The following ZNF318 variants were observed in gnomAD, a reference collection of about 807,000 sequenced individuals.
The protein encoded by ZNF318 is endocrine regulator.
ZNF318 carries 51 observed loss-of-function variants against 124.2 expected under a neutral mutation model. The observed-to-expected ratio is 0.41, with a 90% CI of 0.33 to 0.52. ZNF318 has a LOEUF of 0.52. Ranked by LOEUF, ZNF318 falls within the 20% of genes least tolerant of loss-of-function variation. The pLI is 0.23. For missense variants in ZNF318, 2,815 were observed against 2,811.2 expected (o/e 1.00, Z -0.03); for synonymous variants, 1,090 against 1,040.7 (o/e 1.05, Z -0.91).
Position 43,339,045 on chromosome 6 carries a change from C to T in ZNF318, c.4953G>A (p.Val1651=). Reference sequence around the variant, plus strand: ...CTACAACTGACCATTTCCCTAGGGCCACCAGAGTTTTTGCAATGGGCTTTT... The same window carrying T: ...CTACAACTGACCATTTCCCTAGGGCTACCAGAGTTTTTGCAATGGGCTTTT... ...NSEKPIAKTL[V]ALGKWSVVEH... The change falls in exon 10 of 10, where the codon GTG becomes GTA. Residue 1651 remains valine (V), a synonymous_variant. Transcript: ENST00000361428. This position sits in a 1 kb window ranked among gnomAD's most constrained non-coding sequence, Gnocchi z 4.2. 1.9e-6 allele frequency: 3 copies of T among 1,614,178 alleles called. No homozygotes were observed. Among genetic ancestry groups the T allele is most frequent in the Non-Finnish European group, 2.5e-6 (3 of 1,180,032 alleles).
At chr6:43,351,806 C>A (rs1319533686) in intron 5 of ZNF318, among the ~76,000 whole-genome samples, 1 of 151,092 alleles carries the variant, frequency 6.6e-6, no homozygotes, top group Non-Finnish European at 1.5e-5. Context: ...CACATACACA[C>A]AAATTGAGAG....
chr6:43,353,662 C>G (rs566001356), intron 4 of ZNF318, among the ~76,000 whole-genome samples: 1 of 152,178 alleles, frequency 6.6e-6, no homozygotes, highest in Non-Finnish European at 1.5e-5. Context: ...GCATGAGCCA[C>G]CACGCCCAGC....
At position 43,337,020 on chromosome 6, in the gene ZNF318, A is replaced by G; in HGVS notation, c.*138T>C. On this transcript the variant is annotated 3_prime_UTR_variant, in exon 10 of 10. Transcript: ENST00000361428. ...AAAGGAGGTAAATTTTTTAGCTTCC[A>G]TGAACATTTACTTTAAGATGCTGAC... The G allele has an allele frequency of 2.5e-6, 2 of 792,860 alleles. No homozygotes were observed. Among genetic ancestry groups the G allele is most frequent in the Non-Finnish European group, 3.6e-6 (2 of 556,046 alleles). 49.1% of individuals were successfully genotyped at this position (792,860 alleles called of 1,614,324 possible). A position where few individuals can be genotyped will look rare whatever the true frequency, so the allele number is the denominator to read the frequency against.
At chr6:43,364,847 G>T (rs1413994967) in intron 2 of ZNF318, among the ~76,000 whole-genome samples, 1 of 152,124 alleles carries the variant, frequency 6.6e-6, no homozygotes, top group African/African-American at 2.4e-5. Context: ...TATTAGACAT[G>T]AACTTACCTA....
At position 43,342,829 on chromosome 6, in the gene ZNF318, G is replaced by A. The variant is rs758770530; in HGVS notation, c.3123C>T (p.Ala1041=). The change falls in exon 7 of 10, where the codon GCC becomes GCT. Residue 1041 remains alanine, a synonymous_variant. Coordinates refer to ENST00000361428, the MANE Select transcript of ZNF318 (RefSeq NM_014345.3). The part of the protein sequence containing the change: ...EKFRTKSPKP[A]ESPQSATKQL... ...GCTTAGTGGCTGACTGGGGGCTTTC[G>A]GCAGGCTTGGGGCTCTTAGTACGAA... 90 of 1,613,910 alleles carry A rather than the reference G, an allele frequency of 5.6e-5. No homozygotes were observed. Among genetic ancestry groups the A allele is most frequent in the South Asian group, 4.6e-4 (42 of 91,080 alleles).
chr6:43,357,332 C>T lies in ZNF318; in HGVS notation c.982G>A (p.Glu328Lys). Residue 328 changes from glutamate to lysine, a missense_variant, in exon 3 of 10, where the codon GAG becomes AAG. Physicochemically the swap from Glu to Lys is moderately conservative, Grantham distance 56. Transcript: ENST00000361428. ...LDLARRKREE[E>K]EERSRSLSQE... ...CTCAAGCTCCTACTTCGCTCCTCCT[C>T]TTCCTCTCGCTTTCGTCTGGCAAGA... 6.2e-7 allele frequency: 1 copy of T among 1,614,188 alleles called. No individual in the cohort carries two copies. The highest frequency in any genetic ancestry group is 1.3e-5 in the African/African-American group (1 of 75,050).
chr6:43,364,273 T>A, intron 2 of ZNF318: 1 of 467,382 alleles, frequency 2.1e-6, no homozygotes. Context: ...GGACGTAGGC[T>A]CCAGCTGTGG....
At chr6:43,363,584 A>G in intron 2 of ZNF318, 1 of 332,642 alleles carries the variant, frequency 3.0e-6, no homozygotes, top group Non-Finnish European at 5.5e-6. Flanking sequence ...GGCAAGGCCA[A>G]GGATAAGGAG....
chr6:43,357,160 C>T lies in ZNF318; in HGVS notation c.1154G>A (p.Arg385Gln), dbSNP rs746707396. ...VMPKKSILKK[R>Q]IEVDIMEPSM... is the part of the protein sequence containing the mutation. ...GGGCTCCATTATGTCCACCTCAATC[C>T]GCTTCTTCAAAATGGATTTCTTGGG... The change falls in exon 3 of 10, where the codon CGG becomes CAG. Residue 385 changes from arginine to glutamine, a missense_variant. By Grantham distance (43) the Arg-to-Gln change is conservative. This residue lies in a region of ZNF318 where 1,377 missense variants were observed against 1,353.5 expected (regional missense o/e 1.02). Coordinates refer to ENST00000361428, the MANE Select transcript of ZNF318 (RefSeq NM_014345.3). 19 of 1,613,764 alleles carry T rather than the reference C, an allele frequency of 1.2e-5. No homozygotes were observed. The highest frequency in any genetic ancestry group is 6.7e-5 in the Admixed American group (4 of 60,002).
chr6:43,369,509 GC>G lies in ZNF318; in HGVS notation c.-145del. 3.8e-6 allele frequency: 2 copies of G among 519,882 alleles called. No homozygotes were observed. Among genetic ancestry groups the G allele is most frequent in the Non-Finnish European group, 5.0e-6 (2 of 401,802 alleles). 32.2% of individuals were successfully genotyped at this position (519,882 alleles called of 1,614,324 possible). A position where few individuals can be genotyped will look rare whatever the true frequency, so the allele number is the denominator to read the frequency against. On this transcript the variant is annotated 5_prime_UTR_variant, in exon 1 of 10. Transcript: ENST00000361428. ...CCGCGGGAGCAGCCCCCTCCCCTCG[GC>G]CCCGCGTCGCCCCGGGGGCCCGGCC...
chr6:43,352,095 A>G (rs962910015), intron 5 of ZNF318, among the ~76,000 whole-genome samples: 2 of 93,684 alleles, frequency 2.1e-5, no homozygotes, highest in African/African-American at 1.2e-4. Flanking sequence ...AGTGAGCCAA[A>G]ATCACACCAC....
chr6:43,361,931 G>A (rs1007680594), intron 2 of ZNF318, among the ~76,000 whole-genome samples: 1 of 152,154 alleles, frequency 6.6e-6, no homozygotes, highest in Non-Finnish European at 1.5e-5. Context: ...TGAGGCAGGA[G>A]GGTCACTTGA....
rs548729757 is a variant in ZNF318 at position 43,340,158 on chromosome 6, C to A, written c.3840G>T (p.Lys1280Asn). The A allele has an allele frequency of 6.2e-7, 1 of 1,614,012 alleles. No homozygotes were observed. The highest frequency in any genetic ancestry group is 1.3e-5 in the African/African-American group (1 of 74,908). ...AACTTTTCTCCTCTTCTTTTTCTGG[C>A]TTCTTCCAGCTGAATTTCCCAAAAG... ...SSSFGKFSWKKPEKEEEKSSL... is the reference protein window; with the variant it reads ...SSSFGKFSWKNPEKEEEKSSL... Residue 1280 changes from lysine to asparagine, a missense_variant, in exon 10 of 10, where the codon AAG becomes AAT. Transcript: ENST00000361428.
chr6:43,338,573 A>G lies in ZNF318; in HGVS notation c.5425T>C (p.Ser1809Pro). ...TATCTGTTTCCATGGTTCAAATTAG[A>G]ATCATCTATGCTGTGGGGTCCAATG... is the stretch of plus-strand genomic sequence containing the variant. ...TSIGPHSIDD[S>P]NLNHGNRYMW... Residue 1809 changes from serine (S) to proline (P), a missense_variant, in exon 10 of 10, where the codon TCT becomes CCT. By Grantham distance (74) the Ser-to-Pro change is moderately conservative (BLOSUM62 -1). Coordinates refer to ENST00000361428, the MANE Select transcript of ZNF318 (RefSeq NM_014345.3). 1.2e-6 allele frequency: 2 copies of G among 1,614,114 alleles called. No homozygotes were observed. Among genetic ancestry groups the G allele is most frequent in the Non-Finnish European group, 1.7e-6 (2 of 1,180,010 alleles).
At chr6:43,348,651 G>T (rs768206333) in intron 5 of ZNF318, 26 bp from the exon 6 acceptor site, 6 of 1,602,554 alleles carry the variant, frequency 3.7e-6, no homozygotes, top group Non-Finnish European at 4.3e-6. Flanking sequence ...TCAACAAAAA[G>T]AAGCACAGGG....
At chr6:43,343,827 CAAAAAAAAAAAAA>C (rs10560070) in intron 6 of ZNF318, among the ~76,000 whole-genome samples, 21 of 101,932 alleles carry the variant, frequency 2.1e-4, no homozygotes, top group South Asian at 3.2e-4. Flanking sequence ...GACCCTGTCT[CAAAAAAAAAAAAA>C]AAAAAAAAAA....
rs767339725 is a variant in ZNF318 at position 43,337,519 on chromosome 6, GAATT to G, written c.6475_6478del (p.Asn2159LeufsTer51). On this transcript the variant is annotated frameshift_variant, in exon 10 of 10. Coordinates refer to ENST00000361428, the MANE Select transcript of ZNF318 (RefSeq NM_014345.3). LOFTEE classifies it low-confidence loss of function (END_TRUNC). ...GCAAGGAGATGGCCCAAGGCCTGCA[GAATT>G]AATTGTTTTTAATTCCAATCCGAGT... 2.5e-6 allele frequency: 4 copies of G among 1,614,070 alleles called. No individual in the cohort carries two copies. Among genetic ancestry groups the G allele is most frequent in the Non-Finnish European group, 2.5e-6 (3 of 1,180,038 alleles).
intron 6 of ZNF318, among the ~76,000 whole-genome samples, chr6:43,343,826 T>C (rs1035945472): frequency 8.2e-5 from 2 of 24,304 alleles, no homozygotes; most frequent in Non-Finnish European, 1.8e-4. Context: ...AGACCCTGTC[T>C]CAAAAAAAAA....
Position 43,355,592 on chromosome 6 carries a change from G to A in ZNF318, c.1742C>T (p.Ser581Leu). ...PSSAPAVKLESLEETNPEYAK... is the reference protein window; with the variant it reads ...PSSAPAVKLELLEETNPEYAK... ...ATATTCTGGATTGGTCTCTTCTAGT[G>A]ATTCTAGCTTTACAGCTGGAGCTGA... The change falls in exon 4 of 10, where the codon TCA becomes TTA. Residue 581 changes from serine (S) to leucine (L), a missense_variant. Ser to Leu is a moderately radical substitution (Grantham distance 145). Around this residue, in one of 4 missense-constraint regions of ZNF318, gnomAD observed 1,377 missense variants for 1,353.5 expected, o/e 1.02. Transcript: ENST00000361428. 5.6e-6 allele frequency: 9 copies of A among 1,614,180 alleles called. No homozygotes were observed. Among genetic ancestry groups the A allele is most frequent in the Non-Finnish European group, 7.6e-6 (9 of 1,180,038 alleles).
Sources: allele counts gnomAD v4.1 joint callset (sites outside exome capture counted in the v4.1 genomes callset), GRCh38; gene constraint gnomAD v4.1.1; regional missense constraint gnomAD v4.1.1; non-coding constraint Gnocchi (gnomAD v3.1); transcripts MANE v1.5; gene names NCBI Gene and HGNC (gene_info 2026-07-23, HGNC 2026-07-21).